PPM1L: variants seen among roughly 807,000 people sequenced by gnomAD.
The protein encoded by PPM1L is protein phosphatase 1L.
A neutral mutation model predicts 31.4 loss-of-function variants in PPM1L; 13 were observed. That is an observed-to-expected ratio of 0.41 (90% CI 0.27 to 0.66). PPM1L has a LOEUF of 0.66. Ranked by LOEUF, PPM1L falls within the 30% of genes least tolerant of loss-of-function variation. The probability of loss-of-function intolerance (pLI) is 0.29; values close to 1 mark genes in which losing one functional copy is unlikely to be tolerated. For synonymous variants in PPM1L, 184 were observed against 175.4 expected, an observed-to-expected ratio of 1.05 and a Z score of -0.39; for missense variants, 326 against 453.7, an observed-to-expected ratio of 0.72 and a Z score of 2.56.
At chr3:160,841,891 C>T (rs1007550258) in intron 1 of PPM1L, among the ~76,000 whole-genome samples, 1 of 152,126 alleles carries the variant, frequency 6.6e-6, no homozygotes, top group Non-Finnish European at 1.5e-5. Flanking sequence ...TAAATGTCAA[C>T]TTGTTTAGCT....
chr3:161,026,422 G>A (rs1264120780), intron 2 of PPM1L, among the ~76,000 whole-genome samples: 9 of 152,326 alleles, frequency 5.9e-5, no homozygotes, highest in East Asian at 3.9e-4. Context: ...ACGGCCGGGC[G>A]TGGTGGCTCA....
At position 160,808,410 on chromosome 3, in the gene PPM1L, T is replaced by C. The variant is rs141433654; in HGVS notation, c.399+51703T>C. On this transcript the variant is annotated intron_variant, in intron 1 of 3. Coordinates refer to ENST00000498165, the MANE Select transcript of PPM1L (RefSeq NM_139245.4). ...GTGTGTGTGTGTGTGTGTGTGTGTG[T>C]GTGTGTGTGTGTGGTGGGTGAGGGA... Among the ~76,000 whole-genome samples the C allele has an allele frequency of 2.0e-3, 204 of 101,804 alleles. 7 individuals are homozygous for C. The highest frequency in any genetic ancestry group is 9.5e-3 in the Middle Eastern group (2 of 210). 66.8% of individuals were successfully genotyped at this position (101,804 alleles called of 152,430 possible). A position where few individuals can be genotyped will look rare whatever the true frequency, so the allele number is the denominator to read the frequency against.
At chr3:160,982,008 C>T (rs1334185680) in intron 2 of PPM1L, among the ~76,000 whole-genome samples, 1 of 152,094 alleles carries the variant, frequency 6.6e-6, no homozygotes, top group Non-Finnish European at 1.5e-5. Flanking sequence ...TGAAGTGATC[C>T]ACCTGCCTTG....
chr3:160,926,633 C>T (rs1714602212), intron 1 of PPM1L, among the ~76,000 whole-genome samples: 1 of 152,134 alleles, frequency 6.6e-6, no homozygotes, highest in Non-Finnish European at 1.5e-5. Context: ...GTTAGCTGTG[C>T]TGACTATGGC....
chr3:160,764,575 TC>T (rs1456927226), intron 1 of PPM1L, among the ~76,000 whole-genome samples: 1 of 151,638 alleles, frequency 6.6e-6, no homozygotes, highest in Admixed American at 6.6e-5. Context: ...CAAGCAATTC[TC>T]CTGTCTCAGC....
At chr3:160,928,254 G>A (rs776888717) in intron 1 of PPM1L, among the ~76,000 whole-genome samples, 47 of 152,080 alleles carry the variant, frequency 3.1e-4, no homozygotes, top group Non-Finnish European at 4.0e-4. Flanking sequence ...AAAATTGTGG[G>A]GTGGGGTTCA....
At chr3:160,877,313 CG>C (rs1475530679) in intron 1 of PPM1L, among the ~76,000 whole-genome samples, 5 of 152,134 alleles carry the variant, frequency 3.3e-5, no homozygotes, top group Admixed American at 6.5e-5. Context: ...TCTCCAAGTT[CG>C]TGGCAAGCTA....
At chr3:160,998,809 C>G (rs2108049931) in intron 2 of PPM1L, among the ~76,000 whole-genome samples, 1 of 152,252 alleles carries the variant, frequency 6.6e-6, no homozygotes, top group South Asian at 2.1e-4. Context: ...TGATATGATC[C>G]TGGTAAACCC....
chr3:160,923,226 A>G (rs978284859), intron 1 of PPM1L, among the ~76,000 whole-genome samples: 2 of 152,206 alleles, frequency 1.3e-5, no homozygotes, highest in Non-Finnish European at 2.9e-5. Flanking sequence ...TATAGATATC[A>G]TAGTAAAGCT....
At chr3:161,058,165 G>A (rs1576623186) in intron 2 of PPM1L, among the ~76,000 whole-genome samples, 1 of 76,334 alleles carries the variant, frequency 1.3e-5, no homozygotes, top group African/African-American at 4.0e-5. Context: ...CACTCTGTCA[G>A]CCAGGCTGGA....
At chr3:160,831,451 T>C (rs1176907501) in intron 1 of PPM1L, among the ~76,000 whole-genome samples, 2 of 152,218 alleles carry the variant, frequency 1.3e-5, no homozygotes, top group Admixed American at 6.5e-5. Flanking sequence ...CTTAAACAGT[T>C]CAAAATTATA....
At chr3:160,761,065 G>C (rs1378663) in intron 1 of PPM1L, among the ~76,000 whole-genome samples, 6,315 of 152,138 alleles carry the variant, frequency 0.042, 149 homozygotes, top group South Asian at 0.05. Flanking sequence ...TTAGATCAGT[G>C]GTTCTTAACT....
chr3:160,763,100 A>G (rs996571139), intron 1 of PPM1L, among the ~76,000 whole-genome samples: 1 of 152,176 alleles, frequency 6.6e-6, no homozygotes, highest in African/African-American at 2.4e-5. Flanking sequence ...GGTTGTCTCT[A>G]GAGTTCCTCT....
rs536168236 is a variant in PPM1L, at chr3:160,854,766, T to C, written c.399+98059T>C. 2.6e-5 allele frequency among the ~76,000 whole-genome samples: 4 copies of C among 151,556 alleles called. No individual in the cohort carries two copies. In the South Asian group the frequency reaches 8.3e-4, roughly 32 times the overall value. ...CATGGATAGGAAGTACCAGTATTGT[T>C]AAAATGGCCATATTGCCCAAAGCAA... is the stretch of plus-strand genomic sequence containing the variant. On this transcript the variant is annotated intron_variant, in intron 1 of 3. Coordinates refer to ENST00000498165, the MANE Select transcript of PPM1L (RefSeq NM_139245.4).
At chr3:160,914,370 T>C (rs1319391131) in intron 1 of PPM1L, among the ~76,000 whole-genome samples, 2 of 151,964 alleles carry the variant, frequency 1.3e-5, no homozygotes, top group African/African-American at 2.4e-5. Flanking sequence ...ACATGTGCCA[T>C]GTTGGTGTGC....
chr3:160,882,441 G>A (rs1576687855), intron 1 of PPM1L: 1 of 152,140 alleles, frequency 6.6e-6, no homozygotes, highest in South Asian at 2.1e-4. Flanking sequence ...GTAATAAAAA[G>A]CAGAACTTTT....
intron 1 of PPM1L, among the ~76,000 whole-genome samples, chr3:160,943,649 G>T (rs1715228423): frequency 6.6e-6 from 1 of 152,168 alleles, no homozygotes; most frequent in Admixed American, 6.5e-5. Context: ...GTTTTGTACT[G>T]CTCTTGAAGG....
chr3:160,892,119 C>T (rs1441906896), intron 1 of PPM1L, among the ~76,000 whole-genome samples: 2 of 152,102 alleles, frequency 1.3e-5, no homozygotes, highest in African/African-American at 4.8e-5. Flanking sequence ...GCGTTCTTCA[C>T]ATGTATCCCG....
At chr3:160,823,847 T>A (rs1713277060) in intron 1 of PPM1L, among the ~76,000 whole-genome samples, 1 of 152,148 alleles carries the variant, frequency 6.6e-6, no homozygotes, top group South Asian at 2.1e-4. Flanking sequence ...TCAGGCAGTC[T>A]TGACTCCAGA....
Sources: allele counts gnomAD v4.1 joint callset (sites outside exome capture counted in the v4.1 genomes callset), GRCh38; gene constraint gnomAD v4.1.1; transcripts MANE v1.5; gene names NCBI Gene and HGNC (gene_info 2026-07-23, HGNC 2026-07-21).